SECISBP2L: variants seen among roughly 807,000 people sequenced by gnomAD.
The protein encoded by SECISBP2L is SECIS binding protein 2 like.
Under a neutral mutation model 114.7 loss-of-function variants are expected in SECISBP2L, and 43 were observed. The ratio of observed to expected loss-of-function variants is 0.38; its 90% CI spans 0.29 to 0.48. SECISBP2L has a LOEUF of 0.48. Ranked by LOEUF, SECISBP2L falls within the 20% of genes least tolerant of loss-of-function variation. The pLI is 0.98. For missense variants in SECISBP2L, 1,136 were observed against 1,301.1 expected (o/e 0.87, Z 1.95); for synonymous variants, 451 against 439.7 (o/e 1.03, Z -0.32).
rs34101036 is a variant in SECISBP2L, at chr15:49,023,027, C to CAA, written c.1036-3477_1036-3476dup. Among the ~76,000 whole-genome samples the CAA allele has an allele frequency of 8.5e-4, 124 of 146,274 alleles. 1 individual carries two copies. The highest frequency in any genetic ancestry group is 8.1e-4 in the Non-Finnish European group (54 of 66,618). On this transcript the variant is annotated intron_variant, in intron 7 of 17. Coordinates refer to ENST00000559471, the MANE Select transcript of SECISBP2L (RefSeq NM_001193489.2). ...TGATTTAAAACCCTTTAGAAGCCAT[C>CAA]AAAAAAAAAAGGACCAATAAAGTCA... is the stretch of plus-strand genomic sequence containing the variant.
intron 2 of SECISBP2L, 90 bp from the exon 3 acceptor site, chr15:49,035,748 C>A: frequency 8.8e-7 from 1 of 1,137,866 alleles, no homozygotes; most frequent in Admixed American, 2.4e-5. Flanking sequence ...TAATAAAAGA[C>A]AAAACAGAAC....
At chr15:49,024,010 CG>C (rs965149656) in intron 7 of SECISBP2L, among the ~76,000 whole-genome samples, 15 of 152,010 alleles carry the variant, frequency 9.9e-5, no homozygotes, top group African/African-American at 3.6e-4. Context: ...AAAATAAAGC[CG>C]TTTTAAAAGA....
Position 49,035,639 on chromosome 15 carries a change from T to G in SECISBP2L, c.223A>C (p.Asn75His). 2 of 1,608,684 alleles carry G rather than the reference T, an allele frequency of 1.2e-6. No individual in the cohort carries two copies. Among genetic ancestry groups the G allele is most frequent in the Non-Finnish European group, 1.7e-6 (2 of 1,176,152 alleles). The change falls in exon 3 of 18, where the codon AAT (asparagine) becomes CAT (histidine). Residue 75 changes from asparagine (N) to histidine (H), a missense_variant. Physicochemically the swap from Asn to His is moderately conservative, Grantham distance 68 (BLOSUM62 1). Coordinates refer to ENST00000559471, the MANE Select transcript of SECISBP2L (RefSeq NM_001193489.2). The stretch of plus-strand genomic sequence containing the variant: ...TTGGGTTGTTGCCATCGTATATCAT[T>G]GTTATATAAAGGAAACTGTCTGCAA... ...QSNRQFPLYN[N>H]DIRWQQPNPN...
At chr15:49,009,854 G>A (rs925588128) in intron 13 of SECISBP2L, among the ~76,000 whole-genome samples, 2 of 152,120 alleles carry the variant, frequency 1.3e-5, no homozygotes, top group Admixed American at 1.3e-4. Context: ...CTCTTAGGCC[G>A]GGCATGGTGG....
Position 49,001,103 on chromosome 15 carries a change from A to G in SECISBP2L, c.2028-6T>C. The G allele has an allele frequency of 3.2e-6, 5 of 1,577,544 alleles. No individual in the cohort carries two copies. The highest frequency in any genetic ancestry group is 4.3e-6 in the Non-Finnish European group (5 of 1,163,972). On this transcript the variant is annotated splice_polypyrimidine_tract_variant and splice_region_variant and intron_variant, in intron 14 of 17. Transcript: ENST00000559471. ...AAAGAACCTGATTACAATACCTGTAAAAAAAAACCAAAATGGGTAACTCCA... is the reference window on the plus strand; with the variant it reads ...AAAGAACCTGATTACAATACCTGTAGAAAAAAACCAAAATGGGTAACTCCA...
chr15:49,001,627 G>A (rs1902212008), intron 14 of SECISBP2L: 1 of 152,366 alleles, frequency 6.6e-6, no homozygotes, highest in Non-Finnish European at 1.5e-5. Flanking sequence ...CTCCCACCCC[G>A]ACAGGCCCCG....
chr15:49,037,027 G>A (rs1903023894), intron 2 of SECISBP2L, among the ~76,000 whole-genome samples: 1 of 152,088 alleles, frequency 6.6e-6, no homozygotes, highest in South Asian at 2.1e-4. Context: ...TATAAGCAGG[G>A]TTAGAATGGC....
rs1902552942 is a variant in SECISBP2L at position 49,017,115 on chromosome 15, C to T, written c.1252-100G>A. On this transcript the variant is annotated intron_variant, in intron 9 of 17. Transcript: ENST00000559471. ...TGGGATGTTCTGCAGTACAACCGGACTAGACTCTTCAAAGAATTCAATGTC... is the reference window on the plus strand; with the variant it reads ...TGGGATGTTCTGCAGTACAACCGGATTAGACTCTTCAAAGAATTCAATGTC... The T allele has an allele frequency of 2.4e-5, 27 of 1,127,804 alleles. No homozygotes were observed. In the South Asian group the frequency reaches 4.0e-4, roughly 17 times the overall value. 69.9% of individuals were successfully genotyped at this position (1,127,804 alleles called of 1,614,324 possible). A position where few individuals can be genotyped will look rare whatever the true frequency, so the allele number is the denominator to read the frequency against.
intron 14 of SECISBP2L, among the ~76,000 whole-genome samples, chr15:49,002,320 G>A (rs919690756): frequency 6.6e-6 from 1 of 152,090 alleles, no homozygotes; most frequent in Non-Finnish European, 1.5e-5. Context: ...TTATAAATTT[G>A]TTTAAGTTCT....
At chr15:49,025,809 T>C (rs575092391) in intron 7 of SECISBP2L, among the ~76,000 whole-genome samples, 1 of 152,306 alleles carries the variant, frequency 6.6e-6, no homozygotes, top group Admixed American at 6.5e-5. Context: ...GTATGACCAC[T>C]ACAGAAAATA....
Position 49,038,627 on chromosome 15 carries a change from G to T in SECISBP2L, c.25-858C>A, listed in dbSNP as rs866147055. Among the ~76,000 whole-genome samples, 5 of 152,214 alleles carry T rather than the reference G, an allele frequency of 3.3e-5. No individual in the cohort carries two copies. The South Asian group carries it at 1.0e-3, about 32-fold the overall frequency. On this transcript the variant is annotated intron_variant, in intron 1 of 17. Transcript: ENST00000559471. ...CTAACCAGGATAAAATTTACAAGGTGTTTGTCCTGTAACAATTCATCAAGC... is the reference window on the plus strand; with the variant it reads ...CTAACCAGGATAAAATTTACAAGGTTTTTGTCCTGTAACAATTCATCAAGC...
At chr15:49,017,113 G>A in intron 9 of SECISBP2L, 98 bp from the exon 10 acceptor site, 3 of 1,152,408 alleles carry the variant, frequency 2.6e-6, no homozygotes, top group Non-Finnish European at 3.7e-6. Context: ...AGTACAACCG[G>A]ACTAGACTCT....
chr15:48,993,686 AAT>A (rs35939252), intron 17 of SECISBP2L, among the ~76,000 whole-genome samples: 69 of 148,476 alleles, frequency 4.6e-4, no homozygotes, highest in African/African-American at 5.7e-4. Context: ...GTTGTTTTAT[AAT>A]ATATATATAT....
intron 14 of SECISBP2L, among the ~76,000 whole-genome samples, chr15:49,005,719 GT>G (rs1902308807): frequency 6.6e-6 from 1 of 151,850 alleles, no homozygotes; most frequent in African/African-American, 2.4e-5. Context: ...TTGACAGTCT[GT>G]GTCTTTTAAT....
intron 14 of SECISBP2L, among the ~76,000 whole-genome samples, chr15:49,004,012 TG>T (rs1200420399): frequency 6.6e-6 from 1 of 152,200 alleles, no homozygotes; most frequent in African/African-American, 2.4e-5. Flanking sequence ...TCAGAAGGAA[TG>T]GTACCAGCTC....
chr15:48,988,813 A>G lies in SECISBP2L; in HGVS notation c.*3431T>C. 1 of 223,312 alleles carries G rather than the reference A, an allele frequency of 4.5e-6. No homozygotes were observed. Among genetic ancestry groups the G allele is most frequent in the Non-Finnish European group, 9.3e-6 (1 of 107,828 alleles). 13.8% of individuals were successfully genotyped at this position (223,312 alleles called of 1,614,324 possible). ...AATTTTGCTAGTTTTTTATTAGAGC[A>G]TTACAATTAAGACATTAAATTATAA... On this transcript the variant is annotated 3_prime_UTR_variant, in exon 18 of 18. Transcript: ENST00000559471.
Position 49,016,903 on chromosome 15 carries a change from G to A in SECISBP2L, c.1364C>T (p.Ala455Val). The change falls in exon 10 of 18, where the codon GCC (alanine) becomes GTC (valine). Residue 455 changes from alanine to valine, a missense_variant. Physicochemically the swap from Ala to Val is moderately conservative, Grantham distance 64. Around this residue, in one of 2 missense-constraint regions of SECISBP2L, gnomAD observed 684 missense variants for 848.7 expected, o/e 0.81. Transcript: ENST00000559471. Reference sequence around the variant, plus strand: ...TGAATACTCTTGAGCTGTGGCAAGGGCTGCTGCTAAAGCTTTCTTCTTCTG... The same window carrying A: ...TGAATACTCTTGAGCTGTGGCAAGGACTGCTGCTAAAGCTTTCTTCTTCTG... Reference protein sequence around the residue: ...KSQKKKALAAALATAQEYSEI... With the variant: ...KSQKKKALAAVLATAQEYSEI... The A allele has an allele frequency of 6.2e-7, 1 of 1,613,962 alleles. No homozygotes were observed.
rs557617217 is a variant in SECISBP2L at position 49,044,201 on chromosome 15, A to G, written c.24+2075T>C. On this transcript the variant is annotated intron_variant, in intron 1 of 17. Coordinates refer to ENST00000559471, the MANE Select transcript of SECISBP2L (RefSeq NM_001193489.2). ...TGTGAGGAAAAATGGAAATTGACAC[A>G]TATTACATATACTTTTCAATGACGT... Among the ~76,000 whole-genome samples the G allele has an allele frequency of 3.3e-5, 5 of 152,310 alleles. No homozygotes were observed. In the East Asian group the frequency reaches 5.8e-4, roughly 18 times the overall value.
At chr15:49,028,107 G>C in intron 6 of SECISBP2L, 37 bp downstream of exon 6, 1 of 1,552,650 alleles carries the variant, frequency 6.4e-7, no homozygotes, top group South Asian at 1.2e-5. Flanking sequence ...GGACAAAGTA[G>C]AAAGTATAGC....
Sources: allele counts gnomAD v4.1 joint callset (sites outside exome capture counted in the v4.1 genomes callset), GRCh38; gene constraint gnomAD v4.1.1; regional missense constraint gnomAD v4.1.1; transcripts MANE v1.5; gene names NCBI Gene and HGNC (gene_info 2026-07-23, HGNC 2026-07-21).